SLC22A3: variants seen among roughly 807,000 people sequenced by gnomAD.
The protein encoded by SLC22A3 is solute carrier family 22 member 3, also known as EMT organic cation transporter 3.
SLC22A3 carries 51 observed loss-of-function variants against 59.1 expected under a neutral mutation model. That is an observed-to-expected ratio of 0.86 (90% CI 0.69 to 1.09). SLC22A3 has a LOEUF of 1.09. Among genes scored for constraint, SLC22A3 ranks in the 50% least tolerant of loss-of-function variants. The pLI is 0.00. For synonymous variants in SLC22A3, 325 were observed against 292.0 expected, an observed-to-expected ratio of 1.11 and a Z score of -1.15; for missense variants, 711 against 726.3, an observed-to-expected ratio of 0.98 and a Z score of 0.24.
intron 1 of SLC22A3, among the ~76,000 whole-genome samples, chr6:160,374,492 G>A (rs999654073): frequency 1.3e-5 from 2 of 152,210 alleles, no homozygotes; most frequent in Admixed American, 6.5e-5. Context: ...ATGGATGAAT[G>A]AATAAATGAA....
intron 10 of SLC22A3, among the ~76,000 whole-genome samples, chr6:160,449,807 G>A (rs1219654293): frequency 1.3e-5 from 2 of 152,136 alleles, no homozygotes; most frequent in Non-Finnish European, 2.9e-5. Flanking sequence ...GCCGCTGGGG[G>A]TGACATCACA....
chr6:160,414,499 T>G (rs948482210), intron 5 of SLC22A3, among the ~76,000 whole-genome samples: 7 of 152,208 alleles, frequency 4.6e-5, no homozygotes, highest in Non-Finnish European at 1.0e-4. Context: ...CCTTTGCAAT[T>G]GCATTAGTCT....
At chr6:160,387,273 A>G (rs1035021385) in intron 1 of SLC22A3, among the ~76,000 whole-genome samples, 3 of 152,214 alleles carry the variant, frequency 2.0e-5, no homozygotes, top group Non-Finnish European at 4.4e-5. Flanking sequence ...TAAGTGAAGA[A>G]AGAGTGGTGG....
intron 1 of SLC22A3, among the ~76,000 whole-genome samples, chr6:160,351,396 T>C (rs1299510870): frequency 2.0e-5 from 3 of 152,238 alleles, no homozygotes; most frequent in Non-Finnish European, 4.4e-5. Flanking sequence ...ATTACAGGTG[T>C]GAGCCACCGC....
chr6:160,393,735 G>A (rs1364198047), intron 1 of SLC22A3, among the ~76,000 whole-genome samples: 1 of 152,086 alleles, frequency 6.6e-6, no homozygotes, highest in Non-Finnish European at 1.5e-5. Flanking sequence ...TTTGTAAATG[G>A]GAGATTATTT....
intron 5 of SLC22A3, among the ~76,000 whole-genome samples, chr6:160,423,027 T>G (rs2114886832): frequency 6.6e-6 from 1 of 152,180 alleles, no homozygotes; most frequent in East Asian, 1.9e-4. Context: ...TTCCCCTTCC[T>G]GTGTCCAAGT....
At chr6:160,416,279 C>A (rs1045075888) in intron 5 of SLC22A3, among the ~76,000 whole-genome samples, 6 of 151,990 alleles carry the variant, frequency 3.9e-5, no homozygotes, top group African/African-American at 1.5e-4. Flanking sequence ...AAATCAAAAA[C>A]CAATGCAAAA....
At chr6:160,441,455 T>C (rs56964376) in intron 7 of SLC22A3, among the ~76,000 whole-genome samples, 13,180 of 152,152 alleles carry the variant, frequency 0.087, 1,880 homozygotes, top group African/African-American at 0.3. Flanking sequence ...AGGGTTCTCA[T>C]GTGGGAAAAA....
intron 1 of SLC22A3, among the ~76,000 whole-genome samples, chr6:160,349,965 C>G (rs1193016024): frequency 6.6e-6 from 1 of 151,970 alleles, no homozygotes; most frequent in African/African-American, 2.4e-5. Flanking sequence ...CCCTTTCTGC[C>G]GCTGTTGCTG....
chr6:160,428,092 C>T (rs1004014156), intron 5 of SLC22A3, among the ~76,000 whole-genome samples: 2 of 150,190 alleles, frequency 1.3e-5, no homozygotes, highest in Non-Finnish European at 3.0e-5. Flanking sequence ...CCCCCACCCA[C>T]ACACACAAAC....
Position 160,447,794 on chromosome 6 carries a change from T to C in SLC22A3, c.1586T>C (p.Val529Ala), listed in dbSNP as rs772732601. The C allele has an allele frequency of 5.0e-6, 8 of 1,613,812 alleles. No homozygotes were observed. Among genetic ancestry groups the C allele is most frequent in the Non-Finnish European group, 6.8e-6 (8 of 1,179,932 alleles). The change falls in exon 10 of 11, where the codon GTG becomes GCG. Residue 529 changes from valine (V) to alanine (A), a missense_variant. Physicochemically the swap from Val to Ala is moderately conservative, Grantham distance 64 (BLOSUM62 0). Coordinates refer to ENST00000275300, the MANE Select transcript of SLC22A3 (RefSeq NM_021977.4). ...AAGGGTATTGCCTTGCCAGAGACAG[T>C]GGATGATGTAGAAAAACTTGGCAGG... ...ETKGIALPET[V>A]DDVEKLGSPH...
chr6:160,433,953 G>T (rs2114909399), intron 5 of SLC22A3, among the ~76,000 whole-genome samples: 1 of 152,256 alleles, frequency 6.6e-6, no homozygotes, highest in South Asian at 2.1e-4. Flanking sequence ...GAAAAGCAAA[G>T]AAAAAAGTAT....
At chr6:160,396,512 C>T (rs1786478246) in intron 1 of SLC22A3, among the ~76,000 whole-genome samples, 1 of 152,056 alleles carries the variant, frequency 6.6e-6, no homozygotes, top group South Asian at 2.1e-4. Flanking sequence ...AGCAAAACTC[C>T]CTTCATTCCC....
chr6:160,386,479 C>T (rs1041917604), intron 1 of SLC22A3, among the ~76,000 whole-genome samples: 6 of 152,194 alleles, frequency 3.9e-5, no homozygotes, highest in Admixed American at 2.6e-4. Context: ...TATAAAGTTT[C>T]CCTATATCTT....
At chr6:160,361,233 T>G (rs1310056151) in intron 1 of SLC22A3, among the ~76,000 whole-genome samples, 1 of 152,210 alleles carries the variant, frequency 6.6e-6, no homozygotes, top group Non-Finnish European at 1.5e-5. Flanking sequence ...CCTATCACCA[T>G]GTACAAAGGT....
chr6:160,404,879 A>AAG (rs1328241278), intron 2 of SLC22A3, among the ~76,000 whole-genome samples: 1 of 152,026 alleles, frequency 6.6e-6, no homozygotes, highest in African/African-American at 2.4e-5. Flanking sequence ...AAAAAAAAAA[A>AAG]AAATGAATCT....
At chr6:160,372,191 C>T (rs1785424378) in intron 1 of SLC22A3, among the ~76,000 whole-genome samples, 1 of 152,120 alleles carries the variant, frequency 6.6e-6, no homozygotes, top group South Asian at 2.1e-4. Flanking sequence ...GGATAGTTAG[C>T]TCTTTTTGTT....
intron 1 of SLC22A3, among the ~76,000 whole-genome samples, chr6:160,364,322 T>G (rs974259572): frequency 6.6e-6 from 1 of 152,220 alleles, no homozygotes; most frequent in Non-Finnish European, 1.5e-5. Context: ...TCAATACTGC[T>G]GCTTACGCTT....
rs774978214 is a variant in SLC22A3, at chr6:160,348,481, T to G, written c.62T>G (p.Val21Gly). Residue 21 changes from valine (V) to glycine (G), a missense_variant, in exon 1 of 11, where the codon GTG (valine) becomes GGG (glycine). Transcript: ENST00000275300. ...GAGTTCGGGCGCTTCCAGAGGCGCGTGTTTTTGCTGCTGTGCCTGACGGGC... is the reference window on the plus strand; with the variant it reads ...GAGTTCGGGCGCTTCCAGAGGCGCGGGTTTTTGCTGCTGTGCCTGACGGGC... ...VGEFGRFQRR[V>G]FLLLCLTGVT... 1.9e-6 allele frequency: 3 copies of G among 1,549,004 alleles called. No individual in the cohort carries two copies. Among genetic ancestry groups the G allele is most frequent in the Non-Finnish European group, 1.7e-6 (2 of 1,153,112 alleles).
Sources: allele counts gnomAD v4.1 joint callset (sites outside exome capture counted in the v4.1 genomes callset), GRCh38; gene constraint gnomAD v4.1.1; transcripts MANE v1.5; gene names NCBI Gene and HGNC (gene_info 2026-07-23, HGNC 2026-07-21).